PTAFR: variants seen among roughly 807,000 people sequenced by gnomAD.
PTAFR encodes platelet activating factor receptor.
In PTAFR, 8 loss-of-function variants were observed where a neutral mutation model predicts 14.7. The ratio of observed to expected loss-of-function variants is 0.54; its 90% CI spans 0.32 to 0.98. The LOEUF (loss-of-function observed/expected upper bound fraction) is 0.98. Ranked by LOEUF, PTAFR falls within the 50% of genes least tolerant of loss-of-function variation. The pLI is 0.04. For missense variants in PTAFR, 337 were observed against 451.2 expected, an observed-to-expected ratio of 0.75 and a Z score of 2.29; for synonymous variants, 156 against 176.5, an observed-to-expected ratio of 0.88 and a Z score of 0.92.
At chr1:28,177,538 G>A (rs1426394466), upstream of PTAFR, among the ~76,000 whole-genome samples, 1 of 152,178 alleles carries the variant, frequency 6.6e-6, no homozygotes, top group East Asian at 1.9e-4. Context: ...ACAGGCATGA[G>A]CCACTGAGCC....
chr1:28,161,149 T>C (rs1164849394), intron 1 of PTAFR, among the ~76,000 whole-genome samples: 1 of 152,212 alleles, frequency 6.6e-6, no homozygotes, highest in African/African-American at 2.4e-5. Flanking sequence ...CTAAGACTCC[T>C]GGCCTCCTGC....
intron 1 of PTAFR, among the ~76,000 whole-genome samples, chr1:28,162,687 A>G (rs776554713): frequency 2.1e-4 from 32 of 152,046 alleles, no homozygotes; most frequent in Admixed American, 3.3e-4. Flanking sequence ...TTAGCCAGGC[A>G]TGGTGGTGGG....
upstream of PTAFR, among the ~76,000 whole-genome samples, chr1:28,180,844 A>G (rs573258223): frequency 2.0e-5 from 3 of 152,178 alleles, no homozygotes; most frequent in Non-Finnish European, 4.4e-5. Context: ...GAAAGTAAAG[A>G]AAAAGAGAAG....
intron 1 of PTAFR, among the ~76,000 whole-genome samples, chr1:28,166,797 C>T (rs1646390712): frequency 6.6e-6 from 1 of 151,942 alleles, no homozygotes; most frequent in South Asian, 2.1e-4. Context: ...GGCAACGTAG[C>T]AAGATCTTGT....
chr1:28,158,442 G>A (rs901195725), intron 1 of PTAFR, among the ~76,000 whole-genome samples: 7 of 152,230 alleles, frequency 4.6e-5, no homozygotes, highest in African/African-American at 1.7e-4. Context: ...GCTCACGCCT[G>A]TAATCCCAGC....
At chr1:28,163,814 A>G (rs2148997665) in intron 1 of PTAFR, among the ~76,000 whole-genome samples, 1 of 152,278 alleles carries the variant, frequency 6.6e-6, no homozygotes, top group East Asian at 1.9e-4. Context: ...CTCCAGATAG[A>G]GCCTCCAGCT....
upstream of PTAFR, among the ~76,000 whole-genome samples, chr1:28,179,254 C>T (rs1047073928): frequency 6.6e-6 from 1 of 152,166 alleles, no homozygotes; most frequent in Non-Finnish European, 1.5e-5. Context: ...GAGGGACCTC[C>T]GGGATCAACC....
chr1:28,159,608 C>T (rs1016055400), intron 1 of PTAFR, among the ~76,000 whole-genome samples: 4 of 151,992 alleles, frequency 2.6e-5, no homozygotes, highest in African/African-American at 9.7e-5. Flanking sequence ...GAGGCCGAGG[C>T]AGGACGATCA....
intron 1 of PTAFR, among the ~76,000 whole-genome samples, chr1:28,169,873 G>A (rs1008013736): frequency 1.3e-5 from 2 of 152,038 alleles, no homozygotes; most frequent in Non-Finnish European, 2.9e-5. Flanking sequence ...GGTGGTGCAT[G>A]CCTGTAATCC....
chr1:28,158,183 G>A lies in PTAFR; in HGVS notation c.-38-7124C>T, dbSNP rs1416551058. Among the ~76,000 whole-genome samples, 3 of 152,274 alleles carry A rather than the reference G, an allele frequency of 2.0e-5. No homozygotes were observed. In the East Asian group the frequency reaches 5.8e-4, roughly 29 times the overall value. On this transcript the variant is annotated intron_variant, in intron 1 of 1. Transcript: ENST00000373857. ...TGATGGATGTATCAGGTGTAACGCG[G>A]TTTCAGAGAAGCTGCCCCTACCCAG...
chr1:28,154,346 A>C (rs1341291557), intron 1 of PTAFR, among the ~76,000 whole-genome samples: 1 of 152,170 alleles, frequency 6.6e-6, no homozygotes, highest in Non-Finnish European at 1.5e-5. Context: ...TCTTTCACAC[A>C]TCCATCCAAC....
chr1:28,180,358 C>T (rs1016075478), upstream of PTAFR, among the ~76,000 whole-genome samples: 1 of 151,886 alleles, frequency 6.6e-6, no homozygotes, highest in East Asian at 1.9e-4. Context: ...CCACCCTGGG[C>T]GACAGAGCAA....
At chr1:28,154,776 C>T (rs977964415) in intron 1 of PTAFR, among the ~76,000 whole-genome samples, 4 of 132,632 alleles carry the variant, frequency 3.0e-5, no homozygotes, top group East Asian at 2.5e-4. Context: ...CATGCCTTTG[C>T]GCTCCAGCCT....
chr1:28,160,283 TA>T (rs941501623), intron 1 of PTAFR, among the ~76,000 whole-genome samples: 8 of 151,314 alleles, frequency 5.3e-5, no homozygotes, highest in African/African-American at 1.9e-4. Context: ...CAGATGGTAT[TA>T]AAAAAATGTT....
chr1:28,179,688 G>T (rs1646547591), upstream of PTAFR, among the ~76,000 whole-genome samples: 1 of 151,988 alleles, frequency 6.6e-6, no homozygotes, highest in Non-Finnish European at 1.5e-5. Flanking sequence ...AGCCAGGCAT[G>T]GTGGCACACA....
chr1:28,175,722 C>G (rs1217520605), intron 1 of PTAFR, among the ~76,000 whole-genome samples: 1 of 152,140 alleles, frequency 6.6e-6, no homozygotes, highest in Non-Finnish European at 1.5e-5. Flanking sequence ...TCAGCACCCC[C>G]TTCCCCACCC....
intron 1 of PTAFR, among the ~76,000 whole-genome samples, chr1:28,186,168 A>G (rs1461598034): frequency 6.6e-6 from 1 of 152,132 alleles, no homozygotes; most frequent in Non-Finnish European, 1.5e-5. Flanking sequence ...TTTGTTTAGT[A>G]GAGACAGGGT....
At position 28,148,168 on chromosome 1, in the gene PTAFR, C is replaced by G. The variant is rs1646136976; in HGVS notation, c.*1825G>C. ...CTGAGCCCCTTGGGTCTGAGGCTGC[C>G]AGGTTCACACTGCAGATACTTGTCT... On this transcript the variant is annotated 3_prime_UTR_variant, in exon 2 of 2. Transcript: ENST00000373857. 6.6e-6 allele frequency: 1 copy of G among 152,166 alleles called. No homozygotes were observed. The highest frequency in any genetic ancestry group is 2.4e-5 in the African/African-American group (1 of 41,418). 9.4% of individuals were successfully genotyped at this position (152,166 alleles called of 1,614,324 possible). A position where few individuals can be genotyped will look rare whatever the true frequency, so the allele number is the denominator to read the frequency against.
Position 28,148,151 on chromosome 1 carries a change from C to G in PTAFR, c.*1842G>C, listed in dbSNP as rs1646136791. ...AACCAGAGAAGTTTCCTCTGAGCCC[C>G]TTGGGTCTGAGGCTGCCAGGTTCAC... On this transcript the variant is annotated 3_prime_UTR_variant, in exon 2 of 2. Transcript: ENST00000373857. The G allele has an allele frequency of 6.6e-6, 1 of 152,196 alleles. No homozygotes were observed. Among genetic ancestry groups the G allele is most frequent in the Non-Finnish European group, 1.5e-5 (1 of 68,044 alleles). 9.4% of individuals were successfully genotyped at this position (152,196 alleles called of 1,614,324 possible).
Sources: allele counts gnomAD v4.1 joint callset (sites outside exome capture counted in the v4.1 genomes callset), GRCh38; gene constraint gnomAD v4.1.1; transcripts MANE v1.5; gene names NCBI Gene and HGNC (gene_info 2026-07-23, HGNC 2026-07-21).